Variants in CYYR1 observed in about 807,000 individuals in gnomAD.
The protein encoded by CYYR1 is cysteine and tyrosine-rich protein 1.
In CYYR1, 14 loss-of-function variants were observed where a neutral mutation model predicts 15.2. The observed-to-expected ratio is 0.92, with a 90% confidence interval of 0.61 to 1.44. The LOEUF (loss-of-function observed/expected upper bound fraction) is 1.44. CYYR1 is among the 40% of genes most tolerant of loss of function. The pLI, the probability that CYYR1 is intolerant of heterozygous loss-of-function variation, is 0.00. For synonymous variants in CYYR1, 80 were observed against 77.4 expected (o/e 1.03, Z -0.18); for missense variants, 228 against 209.5 (o/e 1.09, Z -0.54).
At chr21:26,563,058 A>T (rs1212069287) in intron 2 of CYYR1, among the ~76,000 whole-genome samples, 1 of 152,158 alleles carries the variant, frequency 6.6e-6, no homozygotes, top group East Asian at 1.9e-4. Flanking sequence ...GAATACTGTA[A>T]AAATTATTAT....
chr21:26,551,399 A>C (rs541327508), intron 2 of CYYR1: 1 of 152,710 alleles, frequency 6.5e-6, no homozygotes, highest in South Asian at 2.1e-4. Flanking sequence ...GCTGCCACAC[A>C]TAGTTATTCC....
intron 2 of CYYR1, among the ~76,000 whole-genome samples, chr21:26,540,505 C>G (rs576957832): frequency 6.0e-4 from 91 of 152,208 alleles, no homozygotes; most frequent in African/African-American, 2.0e-3. Flanking sequence ...GGTAGAGCAT[C>G]ACATTTTGCA....
intron 2 of CYYR1, among the ~76,000 whole-genome samples, chr21:26,501,330 C>T (rs907056438): frequency 3.3e-5 from 5 of 152,100 alleles, no homozygotes; most frequent in African/African-American, 9.7e-5. Context: ...AGTGAGACTT[C>T]GTCTAAATAA....
intron 2 of CYYR1, among the ~76,000 whole-genome samples, chr21:26,527,949 A>G (rs1601794724): frequency 1.3e-5 from 2 of 152,318 alleles, no homozygotes; most frequent in South Asian, 4.1e-4. Context: ...TAGAAATTTC[A>G]AAAATAAACT....
At chr21:26,557,933 C>A (rs1301135756) in intron 2 of CYYR1, among the ~76,000 whole-genome samples, 2 of 152,324 alleles carry the variant, frequency 1.3e-5, no homozygotes, top group South Asian at 2.1e-4. Context: ...TTATCCAAAG[C>A]AGAAACCTCA....
At chr21:26,486,886 T>C (rs920970524) in intron 2 of CYYR1, among the ~76,000 whole-genome samples, 3 of 152,028 alleles carry the variant, frequency 2.0e-5, no homozygotes, top group East Asian at 3.8e-4. Flanking sequence ...TTAAGGAAAA[T>C]AGCAGATATG....
At chr21:26,527,896 T>C (rs1263614372) in intron 2 of CYYR1, among the ~76,000 whole-genome samples, 1 of 152,190 alleles carries the variant, frequency 6.6e-6, no homozygotes, top group Non-Finnish European at 1.5e-5. Flanking sequence ...CATTACCTTT[T>C]TAAAAATGAC....
intron 2 of CYYR1, among the ~76,000 whole-genome samples, chr21:26,509,307 A>G (rs2065614048): frequency 1.3e-5 from 2 of 152,180 alleles, no homozygotes; most frequent in African/African-American, 2.4e-5. Context: ...TATGCTGTTA[A>G]GTCATTGGTC....
intron 1 of CYYR1, 119 bp downstream of exon 1, chr21:26,572,749 G>GTCTGCAAAGGTCCT: frequency 1.6e-6 from 2 of 1,236,774 alleles, no homozygotes; most frequent in Non-Finnish European, 2.2e-6. Context: ...AGGCAGAAGC[G>GTCTGCAAAGGTCCT]TCTGCAAAGG....
chr21:26,471,493 G>T (rs1458618067), intron 3 of CYYR1: 1 of 152,124 alleles, frequency 6.6e-6, no homozygotes, highest in African/African-American at 2.4e-5. Context: ...ATATGACAGT[G>T]GTCTTTCATT....
At chr21:26,559,633 T>C (rs1189638156) in intron 2 of CYYR1, among the ~76,000 whole-genome samples, 1 of 152,208 alleles carries the variant, frequency 6.6e-6, no homozygotes, top group Non-Finnish European at 1.5e-5. Context: ...GTGGATTTTT[T>C]ATTGTGGAGT....
chr21:26,548,432 G>A (rs1010672553), intron 2 of CYYR1, among the ~76,000 whole-genome samples: 15 of 152,168 alleles, frequency 9.9e-5, no homozygotes, highest in South Asian at 2.1e-4. Flanking sequence ...TTACAGCCTC[G>A]AACTCCTGGG....
intron 2 of CYYR1, among the ~76,000 whole-genome samples, chr21:26,544,473 A>G (rs1305591643): frequency 6.6e-6 from 1 of 152,208 alleles, no homozygotes; most frequent in Non-Finnish European, 1.5e-5. Flanking sequence ...GGGCAATAAA[A>G]GGATTTATAA....
At chr21:26,517,247 G>C (rs967649035) in intron 2 of CYYR1, among the ~76,000 whole-genome samples, 1 of 151,368 alleles carries the variant, frequency 6.6e-6, no homozygotes, top group African/African-American at 2.4e-5. Flanking sequence ...AAATAGGGCA[G>C]CTCTATAGTA....
chr21:26,537,763 C>T (rs781330285), intron 2 of CYYR1, among the ~76,000 whole-genome samples: 5 of 152,090 alleles, frequency 3.3e-5, no homozygotes, highest in Admixed American at 1.3e-4. Flanking sequence ...AAAATTCATA[C>T]GTTGACCCCT....
intron 2 of CYYR1, among the ~76,000 whole-genome samples, chr21:26,525,426 C>T (rs924149032): frequency 4.6e-5 from 7 of 152,166 alleles, no homozygotes; most frequent in African/African-American, 1.7e-4. Context: ...GGTTCCAGCC[C>T]TCAACCATGA....
intron 1 of CYYR1, among the ~76,000 whole-genome samples, chr21:26,567,783 G>C (rs1980741880): frequency 6.6e-6 from 1 of 152,110 alleles, no homozygotes; most frequent in African/African-American, 2.4e-5. Flanking sequence ...GATTTATCCA[G>C]AAAGGAAATT....
intron 2 of CYYR1, among the ~76,000 whole-genome samples, chr21:26,525,242 A>AT (rs1384821150): frequency 6.6e-6 from 1 of 151,308 alleles, no homozygotes; most frequent in Non-Finnish European, 1.5e-5. Flanking sequence ...GCTCTTTCAA[A>AT]TTTTTTTCAA....
intron 2 of CYYR1, among the ~76,000 whole-genome samples, chr21:26,553,207 T>A (rs534241328): frequency 4.3e-4 from 66 of 152,266 alleles, no homozygotes; most frequent in African/African-American, 1.4e-3. Context: ...GAAAATGAAG[T>A]CATTCAAATC....
Sources: allele counts gnomAD v4.1 joint callset (sites outside exome capture counted in the v4.1 genomes callset), GRCh38; gene constraint gnomAD v4.1.1; transcripts MANE v1.5; gene names NCBI Gene and HGNC (gene_info 2026-07-23, HGNC 2026-07-21).